The following ADAM23 variants were observed in gnomAD, a reference collection of about 807,000 sequenced individuals.
ADAM23 encodes ADAM metallopeptidase domain 23, also known as disintegrin and metalloproteinase domain-containing protein 23.
In ADAM23, 33 loss-of-function variants were observed where a neutral mutation model predicts 120.1. The observed-to-expected ratio is 0.27, with a 90% confidence interval of 0.21 to 0.37. ADAM23 has a LOEUF of 0.37. Among genes scored for constraint, ADAM23 ranks in the 10% least tolerant of loss-of-function variants. The probability of loss-of-function intolerance (pLI) is 1.00; values close to 1 mark genes in which losing one functional copy is unlikely to be tolerated. For missense variants in ADAM23, 862 were observed against 1,058.2 expected, an observed-to-expected ratio of 0.81 and a Z score of 2.57; for synonymous variants, 367 against 375.2, an observed-to-expected ratio of 0.98 and a Z score of 0.25.
Position 206,548,689 on chromosome 2 carries a change from A to G in ADAM23, c.867+335A>G, listed in dbSNP as rs143643623. Among the ~76,000 whole-genome samples, 88 of 152,296 alleles carry G rather than the reference A, an allele frequency of 5.8e-4. No homozygotes were observed. The East Asian group carries it at 0.016, about 28-fold the overall frequency. On this transcript the variant is annotated intron_variant, in intron 8 of 25. Transcript: ENST00000264377. ...TAAAGTACAGCAGACTTTTCTTTCT[A>G]TATGGCTTATATAGTGTCATATAAA...
At chr2:206,481,111 T>C (rs1216642839) in intron 2 of ADAM23, 121 bp from the exon 3 acceptor site, 6 of 623,648 alleles carry the variant, frequency 9.6e-6, no homozygotes, top group African/African-American at 9.6e-5. Flanking sequence ...TGCTATATGA[T>C]GATACATAAG....
intron 3 of ADAM23, among the ~76,000 whole-genome samples, chr2:206,523,929 C>G (rs868432829): frequency 6.6e-6 from 1 of 151,972 alleles, no homozygotes; most frequent in African/African-American, 2.4e-5. Flanking sequence ...AATGTCACTA[C>G]GCTCGAGGCT....
At chr2:206,444,139 C>A (rs1695024644) in intron 1 of ADAM23, 59 bp downstream of exon 1, 1 of 1,204,742 alleles carries the variant, frequency 8.3e-7, no homozygotes, top group Admixed American at 4.2e-5. Flanking sequence ...CAGAGGAAAG[C>A]GAAGGGCGCG....
chr2:206,557,298 C>T, intron 9 of ADAM23, 129 bp from the exon 10 acceptor site: 1 of 781,356 alleles, frequency 1.3e-6, no homozygotes, highest in Non-Finnish European at 2.1e-6. Context: ...ATCCAGTATA[C>T]CACAAACTAA....
intron 4 of ADAM23, among the ~76,000 whole-genome samples, chr2:206,532,067 T>C (rs139225211): frequency 6.6e-6 from 1 of 152,274 alleles, no homozygotes; most frequent in Non-Finnish European, 1.5e-5. Flanking sequence ...TAGGTTGCAT[T>C]TGGGGGTTGT....
intron 3 of ADAM23, among the ~76,000 whole-genome samples, chr2:206,505,351 C>G (rs917727162): frequency 6.6e-6 from 1 of 152,184 alleles, no homozygotes. Flanking sequence ...TTTGTTCTCA[C>G]AGCAACCGGG....
intron 24 of ADAM23, among the ~76,000 whole-genome samples, chr2:206,607,574 T>C (rs139954649): frequency 1.8e-3 from 274 of 152,338 alleles, no homozygotes; most frequent in African/African-American, 6.3e-3. Flanking sequence ...GTCCTTGTTA[T>C]CAGCATTTGT....
rs532570137 is a variant in ADAM23, at chr2:206,543,723, A to G, written c.720+407A>G. Among the ~76,000 whole-genome samples the G allele has an allele frequency of 3.8e-3, 571 of 152,164 alleles. 3 individuals carry two copies. Among genetic ancestry groups the G allele is most frequent in the Non-Finnish European group, 5.7e-3 (387 of 67,986 alleles). On this transcript the variant is annotated intron_variant, in intron 6 of 25. Transcript: ENST00000264377. ...ATGGAACCAGCCTAAATGTCCATCA[A>G]TCAGCAAGTAGATAAGTAAAATGTG...
At chr2:206,483,390 G>A (rs1695938236) in intron 3 of ADAM23, among the ~76,000 whole-genome samples, 1 of 152,152 alleles carries the variant, frequency 6.6e-6, no homozygotes, top group South Asian at 2.1e-4. Context: ...GCCATGTCTA[G>A]GAGGTAGCTG....
intron 2 of ADAM23, among the ~76,000 whole-genome samples, chr2:206,470,281 G>C (rs906993872): frequency 7.2e-5 from 11 of 151,824 alleles, no homozygotes. Context: ...TGTCTTCAAG[G>C]CTCCATCTAA....
chr2:206,488,510 C>T (rs1684845743), intron 3 of ADAM23, among the ~76,000 whole-genome samples: 1 of 152,168 alleles, frequency 6.6e-6, no homozygotes, highest in African/African-American at 2.4e-5. Flanking sequence ...CTGTTTACTC[C>T]TCTGGGCAGC....
At chr2:206,571,599 C>T (rs369072463) in intron 16 of ADAM23, 128 bp from the exon 17 acceptor site, 2 of 601,866 alleles carry the variant, frequency 3.3e-6, no homozygotes, top group African/African-American at 1.8e-5. Context: ...GTAATTAATT[C>T]TTTCCCAGAA....
chr2:206,613,680 T>C (rs1698879258), intron 25 of ADAM23, among the ~76,000 whole-genome samples: 1 of 152,140 alleles, frequency 6.6e-6, no homozygotes, highest in Admixed American at 6.5e-5. Context: ...TTGATTCGAC[T>C]GTTAGAGCTG....
chr2:206,480,381 G>GAAT (rs769287613), intron 2 of ADAM23, among the ~76,000 whole-genome samples: 165 of 152,128 alleles, frequency 1.1e-3, no homozygotes, highest in Non-Finnish European at 2.2e-3. Context: ...AGCACCCACT[G>GAAT]TGCCTTAGGA....
intron 24 of ADAM23, chr2:206,607,842 T>C: frequency 3.2e-6 from 1 of 308,534 alleles, no homozygotes; most frequent in Non-Finnish European, 6.2e-6. Context: ...GTTTAATTGA[T>C]AGAGTAATGT....
At chr2:206,611,029 G>A (rs1698816552) in intron 25 of ADAM23, among the ~76,000 whole-genome samples, 1 of 152,072 alleles carries the variant, frequency 6.6e-6, no homozygotes, top group African/African-American at 2.4e-5. Flanking sequence ...AACTTTATAT[G>A]TTTTATATTT....
At chr2:206,585,325 C>T (rs955371276) in intron 18 of ADAM23, among the ~76,000 whole-genome samples, 4 of 152,156 alleles carry the variant, frequency 2.6e-5, no homozygotes, top group Non-Finnish European at 5.9e-5. Flanking sequence ...TTGAGTGGCT[C>T]TGGATGGATT....
chr2:206,564,267 A>G (rs1697833815), intron 13 of ADAM23, among the ~76,000 whole-genome samples: 1 of 152,160 alleles, frequency 6.6e-6, no homozygotes, highest in African/African-American at 2.4e-5. Context: ...GAAAAAATTA[A>G]TGAAGAGAAG....
intron 13 of ADAM23, 71 bp from the exon 14 acceptor site, chr2:206,564,949 A>C: frequency 6.5e-7 from 1 of 1,535,032 alleles, no homozygotes; most frequent in Non-Finnish European, 9.0e-7. Flanking sequence ...TAGGAGTTGT[A>C]ATACCAAAAA....
Sources: gnomAD v4.1 joint callset for allele counts (sites outside exome capture counted in the v4.1 genomes callset) on GRCh38, gnomAD v4.1.1 for gene constraint, MANE v1.5 for transcripts, NCBI Gene and HGNC (gene_info 2026-07-23, HGNC 2026-07-21) for gene names.